CAPN8: variants seen among roughly 807,000 people sequenced by gnomAD.
CAPN8 encodes the protein calpain 8.
In CAPN8, 87 loss-of-function variants were observed where a neutral mutation model predicts 80.9. The observed-to-expected ratio is 1.07, with a 90% CI of 0.90 to 1.28. CAPN8 has a LOEUF of 1.28. CAPN8 is among the 50% of genes most tolerant of loss of function. CAPN8 has a pLI of 0.00. For synonymous variants in CAPN8, 299 were observed against 273.8 expected (o/e 1.09, Z -0.91); for missense variants, 757 against 702.0 (o/e 1.08, Z -0.89).
intron 2 of CAPN8, among the ~76,000 whole-genome samples, chr1:223,648,740 T>C (rs893654233): frequency 1.3e-4 from 20 of 151,978 alleles, no homozygotes; most frequent in Non-Finnish European, 2.2e-4. Context: ...AATATAAAAC[T>C]CAATAAATGC....
At chr1:223,648,245 C>T (rs1448923207) in intron 2 of CAPN8, among the ~76,000 whole-genome samples, 4 of 152,222 alleles carry the variant, frequency 2.6e-5, no homozygotes, top group Admixed American at 1.3e-4. Context: ...GGAGCCACCA[C>T]GGGTAGCAAA....
intron 16 of CAPN8, 131 bp from the exon 17 acceptor site, chr1:223,545,430 G>T (rs1049952116): frequency 7.3e-6 from 10 of 1,379,212 alleles, no homozygotes; most frequent in African/African-American, 1.4e-5. Context: ...GCAGAGCAGT[G>T]GGGGTGACGG....
chr1:223,553,606 A>T (rs1424564874), intron 14 of CAPN8, among the ~76,000 whole-genome samples: 1 of 152,210 alleles, frequency 6.6e-6, no homozygotes, highest in Non-Finnish European at 1.5e-5. Context: ...CTCAAGAGTC[A>T]GTCAACGCAG....
At chr1:223,553,369 C>G (rs1656841301) in intron 14 of CAPN8, among the ~76,000 whole-genome samples, 1 of 152,168 alleles carries the variant, frequency 6.6e-6, no homozygotes, top group Non-Finnish European at 1.5e-5. Context: ...AGAGGGCGGG[C>G]AGGGCTGCAG....
At chr1:223,661,950 G>A (rs1015567796) in intron 1 of CAPN8, among the ~76,000 whole-genome samples, 2 of 152,170 alleles carry the variant, frequency 1.3e-5, no homozygotes, top group African/African-American at 4.8e-5. Flanking sequence ...TAAACAAAAT[G>A]TGGTCTATAG....
chr1:223,626,513 A>G (rs1016163131), intron 5 of CAPN8, among the ~76,000 whole-genome samples: 1 of 152,146 alleles, frequency 6.6e-6, no homozygotes, highest in Non-Finnish European at 1.5e-5. Flanking sequence ...CTCTGTTTCC[A>G]CAGCCACCTT....
At chr1:223,647,242 G>A (rs1420807859) in intron 2 of CAPN8, among the ~76,000 whole-genome samples, 1 of 152,168 alleles carries the variant, frequency 6.6e-6, no homozygotes, top group Non-Finnish European at 1.5e-5. Flanking sequence ...TGATAGAAAA[G>A]TAGAATCTTG....
chr1:223,624,817 G>A (rs765241246), intron 6 of CAPN8, among the ~76,000 whole-genome samples: 18 of 152,000 alleles, frequency 1.2e-4, no homozygotes, highest in South Asian at 2.1e-4. Context: ...TGAATAGGCC[G>A]GGTGCGGTGG....
intron 15 of CAPN8, among the ~76,000 whole-genome samples, chr1:223,549,872 C>T (rs868626968): frequency 2.0e-5 from 3 of 152,146 alleles, no homozygotes; most frequent in Non-Finnish European, 2.9e-5. Context: ...AAAATCACTC[C>T]GTGTGGTAGA....
intron 2 of CAPN8, among the ~76,000 whole-genome samples, chr1:223,638,494 T>A (rs4653531): frequency 0.99 from 151,273 of 152,284 alleles, 75,143 homozygotes; most frequent in East Asian, 1. Flanking sequence ...GAGTATCTTG[T>A]TTAATGTTCC....
Position 223,542,998 on chromosome 1 carries a change from T to C in CAPN8, c.2088+110A>G, listed in dbSNP as rs1043936690. The C allele has an allele frequency of 6.6e-6, 8 of 1,217,366 alleles. No individual in the cohort carries two copies. In the African/African-American group the frequency reaches 1.2e-4, roughly 18 times the overall value. The allele number at this position is 1,217,366 out of a possible 1,614,324, so 75.4% of individuals were successfully genotyped here. A position where few individuals can be genotyped will look rare whatever the true frequency, so the allele number is the denominator to read the frequency against. ...GCCTGCCACAGAACATGCATGGTATTCACATGGAACTAAGACAGCCAACAG... is the reference window on the plus strand; with the variant it reads ...GCCTGCCACAGAACATGCATGGTATCCACATGGAACTAAGACAGCCAACAG... On this transcript the variant is annotated intron_variant, in intron 20 of 20. Coordinates refer to ENST00000366872, the MANE Select transcript of CAPN8 (RefSeq NM_001143962.2).
chr1:223,639,968 T>G (rs1303652376), intron 2 of CAPN8, among the ~76,000 whole-genome samples: 1 of 152,180 alleles, frequency 6.6e-6, no homozygotes, highest in Non-Finnish European at 1.5e-5. Context: ...TACATTCACA[T>G]CATTTGAAAT....
At position 223,647,203 on chromosome 1, in the gene CAPN8, G is replaced by T. The variant is rs116315845; in HGVS notation, c.307+7127C>A. On this transcript the variant is annotated intron_variant, in intron 2 of 20. Coordinates refer to ENST00000366872, the MANE Select transcript of CAPN8 (RefSeq NM_001143962.2). ...GGAAGGAGCCCAGCATTCCTGTAAG[G>T]CAGGATTCTTAACCTTTCCTGTGCA... Among the ~76,000 whole-genome samples the T allele has an allele frequency of 3.9e-5, 6 of 152,290 alleles. No homozygotes were observed. In the South Asian group the frequency reaches 1.2e-3, roughly 32 times the overall value.
At chr1:223,627,261 A>C in intron 4 of CAPN8, 104 bp from the exon 5 acceptor site, 1 of 1,297,100 alleles carries the variant, frequency 7.7e-7, no homozygotes, top group Non-Finnish European at 1.1e-6. Context: ...CTGGAAGATA[A>C]AGGAAGGCTC....
intron 14 of CAPN8, among the ~76,000 whole-genome samples, chr1:223,553,066 A>C (rs1277725817): frequency 6.6e-6 from 1 of 151,204 alleles, no homozygotes; most frequent in Non-Finnish European, 1.5e-5. Context: ...CTAGAAAGTC[A>C]CCCTGAGTTT....
At chr1:223,626,892 C>A (rs1165596890) in intron 5 of CAPN8, 97 bp downstream of exon 5, 2 of 1,324,690 alleles carry the variant, frequency 1.5e-6, no homozygotes, top group Non-Finnish European at 2.1e-6. Flanking sequence ...TGACCCAAAG[C>A]CTTCCTAGGC....
At chr1:223,556,232 T>C (rs1656904223) in intron 13 of CAPN8, among the ~76,000 whole-genome samples, 1 of 152,182 alleles carries the variant, frequency 6.6e-6, no homozygotes. Flanking sequence ...CAGAAGTTCC[T>C]AAAGGCAATA....
Position 223,627,011 on chromosome 1 carries a change from G to C in CAPN8, c.707C>G (p.Ser236Cys). The C allele has an allele frequency of 1.9e-6, 3 of 1,551,818 alleles. No homozygotes were observed. Among genetic ancestry groups the C allele is most frequent in the East Asian group, 4.9e-5 (2 of 40,914 alleles). Residue 236 changes from serine (S) to cysteine (C), a missense_variant, in exon 5 of 21, where the codon TCT (serine) becomes TGT (cysteine). Ser to Cys is a moderately radical substitution (Grantham distance 112). Coordinates refer to ENST00000366872, the MANE Select transcript of CAPN8 (RefSeq NM_001143962.2). ...CACATCAATGGAGCAGCCCAGCAGA[G>C]ACCCCGCACAGAGGGCCTTCCGGAT... Reference protein sequence around the residue: ...QIIRKALCAGSLLGCSIDVSS... With the variant: ...QIIRKALCAGCLLGCSIDVSS...
intron 1 of CAPN8, among the ~76,000 whole-genome samples, chr1:223,664,483 C>T (rs946677830): frequency 7.2e-5 from 11 of 152,176 alleles, no homozygotes; most frequent in African/African-American, 2.7e-4. Context: ...CATACCAACC[C>T]TGAAAAATAA....
Sources: gnomAD v4.1 joint callset for allele counts (sites outside exome capture counted in the v4.1 genomes callset) on GRCh38, gnomAD v4.1.1 for gene constraint, MANE v1.5 for transcripts, NCBI Gene and HGNC (gene_info 2026-07-23, HGNC 2026-07-21) for gene names.